Variants in CABCOCO1 observed in about 807,000 individuals in gnomAD.
The protein encoded by CABCOCO1 is ciliary-associated calcium-binding coiled-coil protein 1.
Under a neutral mutation model 35.7 loss-of-function variants are expected in CABCOCO1, and 28 were observed. That is an observed-to-expected ratio of 0.78 (90% CI 0.58 to 1.07). The LOEUF (loss-of-function observed/expected upper bound fraction) is 1.07, where lower values mean the gene tolerates loss of function less well. CABCOCO1 is among the 50% of genes least tolerant of loss of function. The pLI is 0.00. For synonymous variants in CABCOCO1, 95 were observed against 100.1 expected (o/e 0.95, Z 0.30); for missense variants, 326 against 309.2 (o/e 1.05, Z -0.41).
intron 4 of CABCOCO1, among the ~76,000 whole-genome samples, chr10:61,686,535 G>T (rs967272165): frequency 1.3e-5 from 2 of 152,002 alleles, no homozygotes; most frequent in Admixed American, 1.3e-4. Context: ...ACATTAATCA[G>T]CTGCAATTAT....
At chr10:61,733,942 A>T (rs965830149) in intron 5 of CABCOCO1, among the ~76,000 whole-genome samples, 1 of 152,092 alleles carries the variant, frequency 6.6e-6, no homozygotes, top group Admixed American at 6.6e-5. Context: ...AATATTGTAG[A>T]ATCCCAAAAG....
At chr10:61,676,689 T>C (rs954127608) in intron 2 of CABCOCO1, among the ~76,000 whole-genome samples, 9 of 152,104 alleles carry the variant, frequency 5.9e-5, no homozygotes, top group African/African-American at 2.2e-4. Context: ...AAAACTTTTA[T>C]AAACTTAAAA....
At chr10:61,680,671 C>CATGTATAACAT (rs1839737711) in intron 2 of CABCOCO1, among the ~76,000 whole-genome samples, 8 of 53,436 alleles carry the variant, frequency 1.5e-4, no homozygotes, top group Admixed American at 3.1e-4. Context: ...ACATGTATAA[C>CATGTATAACAT]ATATATGTTA....
At chr10:61,731,632 T>A (rs1370585472) in intron 5 of CABCOCO1, among the ~76,000 whole-genome samples, 21 of 151,948 alleles carry the variant, frequency 1.4e-4, no homozygotes, top group African/African-American at 4.3e-4. Context: ...GATTAGTGCT[T>A]AATGGAGCAT....
At chr10:61,669,062 A>G (rs1839280384) in intron 1 of CABCOCO1, among the ~76,000 whole-genome samples, 1 of 142,712 alleles carries the variant, frequency 7.0e-6, no homozygotes, top group Non-Finnish European at 1.5e-5. Flanking sequence ...TTTGCAGACC[A>G]GTCTATGTCC....
chr10:61,760,995 G>A lies in CABCOCO1; in HGVS notation c.808G>A (p.Gly270Ser), dbSNP rs139303682. 2.2e-5 allele frequency: 36 copies of A among 1,611,750 alleles called. No individual in the cohort carries two copies. The African/African-American group carries it at 2.5e-4, about 11-fold the overall frequency. The change falls in exon 7 of 8, where the codon GGC (glycine) becomes AGC (serine). Residue 270 changes from glycine (G) to serine (S), a missense_variant. Physicochemically the swap from Gly to Ser is moderately conservative, Grantham distance 56. Coordinates refer to ENST00000648843, the MANE Select transcript of CABCOCO1 (RefSeq NM_001366906.2). ...LDQVTDDILIGIQTEINEKLQ... is the reference protein window; with the variant it reads ...LDQVTDDILISIQTEINEKLQ... ...TCAAGTCACAGATGACATTTTAATC[G>A]GCATTCAGGTACTCAGTATTGATAG...
chr10:61,709,356 T>G (rs1225445880), intron 5 of CABCOCO1, among the ~76,000 whole-genome samples: 1 of 152,060 alleles, frequency 6.6e-6, no homozygotes, highest in East Asian at 1.9e-4. Flanking sequence ...TAAAATTAGA[T>G]TATTGCTTAG....
intron 5 of CABCOCO1, among the ~76,000 whole-genome samples, chr10:61,702,926 C>G (rs79286379): frequency 6.7e-6 from 1 of 148,388 alleles, no homozygotes; most frequent in Non-Finnish European, 1.5e-5. Context: ...AAAAAAAAAA[C>G]AGGAAAAAAA....
intron 5 of CABCOCO1, among the ~76,000 whole-genome samples, chr10:61,703,439 T>C (rs556170095): frequency 6.6e-6 from 1 of 152,198 alleles, no homozygotes; most frequent in South Asian, 2.1e-4. Flanking sequence ...AACCCAGTTA[T>C]TTTGCTTCAT....
chr10:61,766,096 G>T lies in CABCOCO1; in HGVS notation c.*83G>T, dbSNP rs1589161750. ...AATAACAGACTCTCTGGAGCGTCGT[G>T]TCTCCATCACTTAGTTGTGAAAGGA... is the stretch of plus-strand genomic sequence containing the variant. On this transcript the variant is annotated 3_prime_UTR_variant, in exon 8 of 8. Transcript: ENST00000648843. The T allele has an allele frequency of 1.6e-6, 2 of 1,249,114 alleles. No individual in the cohort carries two copies. Among genetic ancestry groups the T allele is most frequent in the African/African-American group, 3.0e-5 (2 of 66,080 alleles). The allele number at this position is 1,249,114 out of a possible 1,614,324, so 77.4% of individuals were successfully genotyped here.
At chr10:61,669,881 T>C (rs1451045713) in intron 1 of CABCOCO1, among the ~76,000 whole-genome samples, 1 of 152,142 alleles carries the variant, frequency 6.6e-6, no homozygotes, top group East Asian at 1.9e-4. Context: ...ATTATTAATA[T>C]GACAGTAATC....
chr10:61,665,843 C>A (rs1793827005), intron 1 of CABCOCO1, among the ~76,000 whole-genome samples: 2 of 149,738 alleles, frequency 1.3e-5, no homozygotes, highest in East Asian at 2.0e-4. Context: ...GCCGAGATCG[C>A]GCCACTGCAC....
chr10:61,710,253 AGTGT>A (rs55784501), intron 5 of CABCOCO1, among the ~76,000 whole-genome samples: 5,360 of 146,562 alleles, frequency 0.037, 99 homozygotes, highest in Non-Finnish European at 0.05. Flanking sequence ...TGTGTGTGTG[AGTGT>A]GTGTGTGTGT....
In CABCOCO1 at chr10:61,766,082, C is replaced by A. The variant is rs1002534164; in HGVS notation, c.*69C>A. The stretch of plus-strand genomic sequence containing the variant: ...ACAAAACCAGCCAGAATAACAGACT[C>A]TCTGGAGCGTCGTGTCTCCATCACT... On this transcript the variant is annotated 3_prime_UTR_variant, in exon 8 of 8. Transcript: ENST00000648843. 8 of 1,380,952 alleles carry A rather than the reference C, an allele frequency of 5.8e-6. No individual in the cohort carries two copies. The African/African-American group carries it at 1.2e-4, about 20-fold the overall frequency. The allele number at this position is 1,380,952 out of a possible 1,614,324, so 85.5% of individuals were successfully genotyped here.
intron 5 of CABCOCO1, among the ~76,000 whole-genome samples, chr10:61,714,477 A>G (rs1212660950): frequency 2.0e-5 from 3 of 152,102 alleles, no homozygotes; most frequent in African/African-American, 7.2e-5. Flanking sequence ...GGATTCATTG[A>G]TTTTTTGAAG....
intron 1 of CABCOCO1, among the ~76,000 whole-genome samples, chr10:61,667,732 T>C (rs1001976595): frequency 2.0e-5 from 3 of 151,900 alleles, no homozygotes; most frequent in Non-Finnish European, 4.4e-5. Flanking sequence ...AGAACCATCT[T>C]GCCAAATTTT....
rs757659205 is a variant in CABCOCO1, at chr10:61,686,144, T to G, written c.438T>G (p.Asp146Glu). The G allele has an allele frequency of 8.1e-6, 13 of 1,596,188 alleles. No homozygotes were observed. The highest frequency in any genetic ancestry group is 1.1e-5 in the Non-Finnish European group (13 of 1,175,138). ...AGAGTGAGGACTGGAATATCTTTGA[T>G]GTAAAACAAGCCAATGCTATCATTG... ...SQKSEDWNIF[D>E]VKQANAIIDY... Residue 146 changes from aspartate (D) to glutamate (E), a missense_variant, in exon 4 of 8, where the codon GAT (aspartate) becomes GAG (glutamate). Asp to Glu is a conservative substitution (Grantham distance 45). Coordinates refer to ENST00000648843, the MANE Select transcript of CABCOCO1 (RefSeq NM_001366906.2).
chr10:61,665,732 A>C (rs1288563655), intron 1 of CABCOCO1, among the ~76,000 whole-genome samples: 2 of 151,808 alleles, frequency 1.3e-5, no homozygotes, highest in South Asian at 2.1e-4. Context: ...CTAAAAATAC[A>C]AAAAATTAGC....
intron 5 of CABCOCO1, among the ~76,000 whole-genome samples, chr10:61,756,804 A>G (rs549722867): frequency 1.3e-5 from 2 of 152,142 alleles, no homozygotes; most frequent in South Asian, 4.1e-4. Context: ...AAATCAGGGT[A>G]CCAAATAGGA....
Sources: gnomAD v4.1 joint callset for allele counts (sites outside exome capture counted in the v4.1 genomes callset) on GRCh38, gnomAD v4.1.1 for gene constraint, MANE v1.5 for transcripts, NCBI Gene and HGNC (gene_info 2026-07-23, HGNC 2026-07-21) for gene names.